SLC14A2: variants seen among roughly 807,000 people sequenced by gnomAD.
SLC14A2 encodes the protein urea transporter 2.
A neutral mutation model predicts 104.6 loss-of-function variants in SLC14A2; 91 were observed. The ratio of observed to expected loss-of-function variants is 0.87; its 90% confidence interval spans 0.73 to 1.04. SLC14A2 has a LOEUF of 1.04. SLC14A2 is among the 50% of genes least tolerant of loss of function. The pLI is 0.00. For missense variants in SLC14A2, 1,189 were observed against 1,156.0 expected (o/e 1.03, Z -0.41); for synonymous variants, 476 against 466.4 (o/e 1.02, Z -0.27).
At chr18:45,378,633 C>A (rs2085800630) in intron 1 of SLC14A2, among the ~76,000 whole-genome samples, 1 of 152,160 alleles carries the variant, frequency 6.6e-6, no homozygotes, top group African/African-American at 2.4e-5. Context: ...TTTGTATTAC[C>A]GTTCCTGCTG....
At chr18:45,326,314 T>A (rs1469497482) in intron 1 of SLC14A2, among the ~76,000 whole-genome samples, 1 of 152,176 alleles carries the variant, frequency 6.6e-6, no homozygotes, top group Non-Finnish European at 1.5e-5. Flanking sequence ...TTGGCTAGGA[T>A]CCTCATAAAT....
intron 2 of SLC14A2, among the ~76,000 whole-genome samples, chr18:45,594,577 G>A (rs777075384): frequency 6.6e-6 from 1 of 152,020 alleles, no homozygotes; most frequent in Non-Finnish European, 1.5e-5. Flanking sequence ...TGAACAAAAG[G>A]CATCTGAACA....
intron 1 of SLC14A2, among the ~76,000 whole-genome samples, chr18:45,275,193 G>A (rs1345008566): frequency 6.6e-6 from 1 of 152,122 alleles, no homozygotes; most frequent in Non-Finnish European, 1.5e-5. Flanking sequence ...ACAAAAATGA[G>A]TAATAATGAA....
intron 2 of SLC14A2, among the ~76,000 whole-genome samples, chr18:45,605,733 A>G (rs1340739421): frequency 2.0e-5 from 3 of 152,192 alleles, no homozygotes; most frequent in East Asian, 1.9e-4. Flanking sequence ...CTCACTCCCA[A>G]TGCAATGATT....
chr18:45,190,686 C>T, the SLC14A2 span, among the ~76,000 whole-genome samples: 2 of 152,180 alleles, frequency 1.3e-5, no homozygotes, highest in Non-Finnish European at 2.9e-5. Flanking sequence ...TCCCATGACA[C>T]GAAGTCTACC....
chr18:45,375,973 G>A (rs776083538), intron 1 of SLC14A2, among the ~76,000 whole-genome samples: 3 of 152,138 alleles, frequency 2.0e-5, no homozygotes, highest in Non-Finnish European at 4.4e-5. Context: ...ACTCTGGATG[G>A]GTACAGAGCA....
intron 1 of SLC14A2, among the ~76,000 whole-genome samples, chr18:45,317,333 G>A (rs1248313299): frequency 1.3e-5 from 2 of 152,330 alleles, no homozygotes; most frequent in African/African-American, 4.8e-5. Flanking sequence ...CTATGTGCCA[G>A]ACATCATGCT....
chr18:45,233,147 C>A (rs1249206565), intron 1 of SLC14A2, among the ~76,000 whole-genome samples: 4 of 152,128 alleles, frequency 2.6e-5, no homozygotes, highest in African/African-American at 9.7e-5. Context: ...ATGGAATCCA[C>A]ATATCGGAGT....
At chr18:45,445,794 C>CCAAATATTATCCCACT (rs2086759187) in intron 1 of SLC14A2, among the ~76,000 whole-genome samples, 1 of 152,180 alleles carries the variant, frequency 6.6e-6, no homozygotes, top group Non-Finnish European at 1.5e-5. Context: ...CCCTTCCCTC[C>CCAAATATTATCCCACT]CAAATATTAT....
chr18:45,610,505 T>C (rs927418846), upstream of SLC14A2, among the ~76,000 whole-genome samples: 1 of 152,186 alleles, frequency 6.6e-6, no homozygotes, highest in Non-Finnish European at 1.5e-5. Context: ...GCTGTCAAGA[T>C]TGAGGATCTC....
chr18:45,544,871 C>T (rs2043947391), intron 2 of SLC14A2, among the ~76,000 whole-genome samples: 2 of 145,312 alleles, frequency 1.4e-5, no homozygotes, highest in South Asian at 2.2e-4. Context: ...CGGCTCACTG[C>T]AACCTCCGCC....
chr18:45,535,438 C>CGTTACT (rs2043765671), intron 2 of SLC14A2, among the ~76,000 whole-genome samples: 1 of 152,172 alleles, frequency 6.6e-6, no homozygotes, highest in Non-Finnish European at 1.5e-5. Context: ...ACACAGTCTC[C>CGTTACT]GTTACTCCGT....
At chr18:45,183,952 A>G in the SLC14A2 span, among the ~76,000 whole-genome samples, 2 of 106,266 alleles carry the variant, frequency 1.9e-5, no homozygotes, top group African/African-American at 7.6e-5. Flanking sequence ...ATGGAGTCTC[A>G]TATGTTGCCC....
chr18:45,223,184 A>G (rs1374905454), intron 1 of SLC14A2, among the ~76,000 whole-genome samples: 1 of 152,162 alleles, frequency 6.6e-6, no homozygotes, highest in Admixed American at 6.5e-5. Flanking sequence ...TCAGTGACCC[A>G]CCCAAAGTCA....
intron 1 of SLC14A2, among the ~76,000 whole-genome samples, chr18:45,450,886 T>C (rs749402971): frequency 1.3e-5 from 2 of 152,044 alleles, no homozygotes; most frequent in African/African-American, 4.8e-5. Flanking sequence ...GAATAAAGGG[T>C]CCATCATTTA....
chr18:45,536,048 C>T (rs892699238), intron 2 of SLC14A2, among the ~76,000 whole-genome samples: 1 of 152,160 alleles, frequency 6.6e-6, no homozygotes, highest in African/African-American at 2.4e-5. Flanking sequence ...GAGTTTTAAC[C>T]TAAAAATACA....
chr18:45,433,188 C>T (rs2086544190), intron 1 of SLC14A2, among the ~76,000 whole-genome samples: 1 of 152,040 alleles, frequency 6.6e-6, no homozygotes, highest in African/African-American at 2.4e-5. Flanking sequence ...AGGCAGGATC[C>T]TTTCCCTAAC....
At chr18:45,618,415 T>A (rs1413309477) in intron 1 of SLC14A2, among the ~76,000 whole-genome samples, 1 of 152,110 alleles carries the variant, frequency 6.6e-6, no homozygotes, top group Non-Finnish European at 1.5e-5. Context: ...ACGTCTGTAA[T>A]CCCAGCACTT....
chr18:45,323,075 G>C (rs1216469298), intron 1 of SLC14A2, among the ~76,000 whole-genome samples: 2 of 152,128 alleles, frequency 1.3e-5, no homozygotes, highest in Non-Finnish European at 2.9e-5. Flanking sequence ...GTGGTCTTGA[G>C]GTGTGTGATT....
Sources: allele counts gnomAD v4.1 joint callset (sites outside exome capture counted in the v4.1 genomes callset), GRCh38; gene constraint gnomAD v4.1.1; transcripts MANE v1.5; gene names NCBI Gene and HGNC (gene_info 2026-07-23, HGNC 2026-07-21).